The following FBXW8 variants were observed in gnomAD, a reference collection of about 807,000 sequenced individuals.
The protein encoded by FBXW8 is F-box and WD repeat domain containing 8, also known as F-box/WD repeat-containing protein 8.
Under a neutral mutation model 65.3 loss-of-function variants are expected in FBXW8, and 57 were observed. The ratio of observed to expected loss-of-function variants is 0.87; its 90% CI spans 0.71 to 1.09. The LOEUF is 1.09. Among genes scored for constraint, FBXW8 ranks in the 50% least tolerant of loss-of-function variants. The probability of loss-of-function intolerance (pLI) is 0.00; values close to 1 mark genes in which losing one functional copy is unlikely to be tolerated. For synonymous variants in FBXW8, 308 were observed against 330.2 expected, an observed-to-expected ratio of 0.93 and a Z score of 0.73; for missense variants, 777 against 814.8, an observed-to-expected ratio of 0.95 and a Z score of 0.57.
At chr12:116,986,124 A>G (rs1423139779) in intron 6 of FBXW8, 1 of 152,272 alleles carries the variant, frequency 6.6e-6, no homozygotes, top group Non-Finnish European at 1.5e-5. Context: ...GAGAGTGAGC[A>G]GAAAAGCCAA....
intron 9 of FBXW8, among the ~76,000 whole-genome samples, chr12:117,026,727 C>T (rs141072341): frequency 6.6e-6 from 1 of 152,310 alleles, no homozygotes; most frequent in East Asian, 1.9e-4. Context: ...CTGCATCTTA[C>T]CTTCTTCACT....
intron 7 of FBXW8, among the ~76,000 whole-genome samples, chr12:117,000,584 G>T (rs543732347): frequency 1.3e-5 from 2 of 152,334 alleles, no homozygotes; most frequent in East Asian, 3.9e-4. Context: ...AGCAGCGGAG[G>T]CTGCTAGTCC....
intron 9 of FBXW8, among the ~76,000 whole-genome samples, chr12:117,026,849 T>C (rs1321109768): frequency 1.3e-5 from 2 of 152,186 alleles, no homozygotes; most frequent in East Asian, 3.9e-4. Flanking sequence ...AGTTTCAGAA[T>C]GAACGCAAAC....
chr12:117,000,449 C>G (rs543988009), intron 7 of FBXW8, among the ~76,000 whole-genome samples: 2 of 152,334 alleles, frequency 1.3e-5, no homozygotes, highest in African/African-American at 4.8e-5. Flanking sequence ...TTCTCACATG[C>G]CAGCATGCAT....
chr12:117,027,343 G>A, intron 9 of FBXW8, 51 bp from the exon 10 acceptor site: 1 of 1,390,704 alleles, frequency 7.2e-7, no homozygotes, highest in Non-Finnish European at 1.0e-6. Context: ...GCGGCAGCAA[G>A]TGCAGGCCCA....
intron 7 of FBXW8, among the ~76,000 whole-genome samples, chr12:116,995,394 G>A (rs1592938059): frequency 6.6e-6 from 1 of 152,208 alleles, no homozygotes; most frequent in Non-Finnish European, 1.5e-5. Flanking sequence ...CCTTTTGGCT[G>A]TGGAGTTGTG....
At chr12:116,952,742 A>G (rs1883368860) in intron 4 of FBXW8, among the ~76,000 whole-genome samples, 1 of 152,056 alleles carries the variant, frequency 6.6e-6, no homozygotes, top group Non-Finnish European at 1.5e-5. Flanking sequence ...TTACATTTAA[A>G]TTTTTATTGT....
At chr12:117,020,784 C>CCTGT (rs1954075392) in intron 8 of FBXW8, among the ~76,000 whole-genome samples, 2 of 152,212 alleles carry the variant, frequency 1.3e-5, no homozygotes, top group East Asian at 1.9e-4. Context: ...CTCACCCTCT[C>CCTGT]CTGTCTGGTT....
chr12:116,923,744 G>A (rs1045780952), intron 1 of FBXW8, among the ~76,000 whole-genome samples: 4 of 136,702 alleles, frequency 2.9e-5, no homozygotes, highest in African/African-American at 5.6e-5. Flanking sequence ...ATTTTGAGAC[G>A]GAGTCTTGCT....
intron 8 of FBXW8, among the ~76,000 whole-genome samples, chr12:117,015,021 G>A (rs988024135): frequency 2.7e-4 from 41 of 152,052 alleles, no homozygotes; most frequent in African/African-American, 8.9e-4. Flanking sequence ...CTGTCCTTGG[G>A]GCACAGCCAC....
At chr12:116,983,301 G>C (rs1232941049) in intron 5 of FBXW8, among the ~76,000 whole-genome samples, 1 of 152,194 alleles carries the variant, frequency 6.6e-6, no homozygotes, top group African/African-American at 2.4e-5. Flanking sequence ...TCTCTTCTGA[G>C]TCAGGATGGA....
At chr12:116,956,517 G>C (rs190845063) in intron 4 of FBXW8, among the ~76,000 whole-genome samples, 2,470 of 151,526 alleles carry the variant, frequency 0.016, 74 homozygotes, top group African/African-American at 0.058. Context: ...GTCAGAGTGA[G>C]AGGGTTTGCA....
rs750234064 is a variant in FBXW8 at position 117,027,346 on chromosome 12, C to T, written c.1542-48C>T. 3.5e-6 allele frequency: 5 copies of T among 1,437,478 alleles called. 1 individual carries two copies. In the South Asian group the frequency reaches 5.7e-5, roughly 16 times the overall value. The allele number at this position is 1,437,478 out of a possible 1,614,324, so 89.0% of individuals were successfully genotyped here. A position where few individuals can be genotyped will look rare whatever the true frequency, so the allele number is the denominator to read the frequency against. On this transcript the variant is annotated intron_variant, in intron 9 of 10. Transcript: ENST00000652555. Reference sequence around the variant, plus strand: ...ACTCCCAGGCCTGCGGCAGCAAGTGCAGGCCCAGTGGACGCCCCCTTACGA... The same window carrying T: ...ACTCCCAGGCCTGCGGCAGCAAGTGTAGGCCCAGTGGACGCCCCCTTACGA...
At chr12:116,962,423 G>C (rs1199130301) in intron 4 of FBXW8, among the ~76,000 whole-genome samples, 1 of 152,148 alleles carries the variant, frequency 6.6e-6, no homozygotes, top group Non-Finnish European at 1.5e-5. Flanking sequence ...GAGCTGGGGG[G>C]CTGGAGCTGA....
rs1290681706 is a variant in FBXW8, at chr12:116,961,318, G to A, written c.678-3379G>A. 6.6e-6 allele frequency among the ~76,000 whole-genome samples: 1 copy of A among 152,130 alleles called. No individual in the cohort carries two copies. The highest frequency in any genetic ancestry group is 1.5e-5 in the Non-Finnish European group (1 of 68,028). On this transcript the variant is annotated intron_variant, in intron 4 of 10. Coordinates refer to ENST00000652555, the MANE Select transcript of FBXW8 (RefSeq NM_153348.3). This position sits in a 1 kb window ranked among gnomAD's most constrained non-coding sequence, Gnocchi z 4.4. ...CCGGCCTGTATCTGCACTTTTTAAA[G>A]CATTCCAGGCAAATTTAATGTGCAG...
chr12:116,926,338 A>G (rs1881325506), intron 1 of FBXW8, among the ~76,000 whole-genome samples: 1 of 152,164 alleles, frequency 6.6e-6, no homozygotes, highest in Non-Finnish European at 1.5e-5. Context: ...TTCTTTACCA[A>G]GTAGGTAAAG....
At chr12:116,916,714 A>G (rs1392971029) in intron 1 of FBXW8, among the ~76,000 whole-genome samples, 1 of 152,102 alleles carries the variant, frequency 6.6e-6, no homozygotes, top group Non-Finnish European at 1.5e-5. Flanking sequence ...CCTGGGCAAA[A>G]TAGATTCTGT....
chr12:117,013,863 A>G (rs1260165361), intron 8 of FBXW8, among the ~76,000 whole-genome samples: 1 of 151,892 alleles, frequency 6.6e-6, no homozygotes, highest in Non-Finnish European at 1.5e-5. Flanking sequence ...AGAAGCTTGA[A>G]TGAGTCACTA....
chr12:116,952,162 A>C (rs904643482), intron 4 of FBXW8, among the ~76,000 whole-genome samples: 1 of 152,146 alleles, frequency 6.6e-6, no homozygotes, highest in Admixed American at 6.5e-5. Flanking sequence ...CATATGCTGC[A>C]TAACAGCGTT....
Sources: gnomAD v4.1 joint callset for allele counts (sites outside exome capture counted in the v4.1 genomes callset) on GRCh38, gnomAD v4.1.1 for gene constraint, Gnocchi (gnomAD v3.1) non-coding constraint, MANE v1.5 for transcripts, NCBI Gene and HGNC (gene_info 2026-07-23, HGNC 2026-07-21) for gene names.